Variants in PELI2 observed in about 807,000 individuals in gnomAD.
PELI2 encodes pellino E3 ubiquitin protein ligase family member 2.
Under a neutral mutation model 42.3 loss-of-function variants are expected in PELI2, and 23 were observed. That is an observed-to-expected ratio of 0.54 (90% CI 0.39 to 0.77). The LOEUF is 0.77. Among genes scored for constraint, PELI2 ranks in the 30% least tolerant of loss-of-function variants. The pLI, the probability that PELI2 is intolerant of heterozygous loss-of-function variation, is 0.00. For synonymous variants in PELI2, 245 were observed against 212.2 expected (o/e 1.15, Z -1.34); for missense variants, 463 against 553.2 (o/e 0.84, Z 1.64).
chr14:56,204,400 C>T (rs141155292), intron 2 of PELI2, among the ~76,000 whole-genome samples: 3 of 151,992 alleles, frequency 2.0e-5, no homozygotes, highest in Admixed American at 6.6e-5. Flanking sequence ...CTAAGAGAGC[C>T]GGAAAAGGCT....
At chr14:56,169,865 A>G (rs1227269454) in intron 1 of PELI2, among the ~76,000 whole-genome samples, 1 of 152,208 alleles carries the variant, frequency 6.6e-6, no homozygotes, top group East Asian at 1.9e-4. Flanking sequence ...GGGGAAGTCC[A>G]TGCATATATG....
chr14:56,209,155 T>G (rs1447325230), intron 2 of PELI2, among the ~76,000 whole-genome samples: 1 of 152,204 alleles, frequency 6.6e-6, no homozygotes, highest in Non-Finnish European at 1.5e-5. Flanking sequence ...TAGTACATAG[T>G]TAAAAGATTA....
chr14:56,185,037 ATTT>A (rs1051780563), intron 2 of PELI2, among the ~76,000 whole-genome samples: 14 of 151,460 alleles, frequency 9.2e-5, no homozygotes, highest in African/African-American at 3.4e-4. Flanking sequence ...ATATTTTACA[ATTT>A]TTTATTTATA....
chr14:56,201,233 A>G (rs1886320388), intron 2 of PELI2, among the ~76,000 whole-genome samples: 1 of 152,186 alleles, frequency 6.6e-6, no homozygotes, highest in African/African-American at 2.4e-5. Flanking sequence ...CGAAAGGATG[A>G]TCCTGGATTT....
At position 56,219,045 on chromosome 14, in the gene PELI2, G is replaced by GT. The variant is rs1003617342; in HGVS notation, c.207+40588dup. Among the ~76,000 whole-genome samples, 26 of 152,102 alleles carry GT rather than the reference G, an allele frequency of 1.7e-4. No homozygotes were observed. Among genetic ancestry groups the GT allele is most frequent in the Non-Finnish European group, 3.4e-4 (23 of 67,988 alleles). ...TTGAGCATGACCAGATCCATTTCCTGTTTTTTTCACATTTCTTTTTCTAAG... is the reference window on the plus strand; with the variant it reads ...TTGAGCATGACCAGATCCATTTCCTGTTTTTTTTCACATTTCTTTTTCTAAG... On this transcript the variant is annotated intron_variant, in intron 2 of 5. Coordinates refer to ENST00000267460, the MANE Select transcript of PELI2 (RefSeq NM_021255.3). The surrounding 1 kb of genome is among the most constrained non-coding windows in gnomAD (Gnocchi z 4.1).
rs948113885 is a variant in PELI2 at position 56,299,602 on chromosome 14, T to C, written c.*2436T>C. 2.0e-5 allele frequency: 3 copies of C among 152,162 alleles called. No individual in the cohort carries two copies. Among genetic ancestry groups the C allele is most frequent in the African/African-American group, 7.2e-5 (3 of 41,434 alleles). 9.4% of individuals were successfully genotyped at this position (152,162 alleles called of 1,614,324 possible). On this transcript the variant is annotated 3_prime_UTR_variant, in exon 6 of 6. Coordinates refer to ENST00000267460, the MANE Select transcript of PELI2 (RefSeq NM_021255.3). ...AGGAAGATCCCTTTACAATTTTGAC[T>C]AAGGAGATTTTTTTTTTCACAGTTG...
At chr14:56,198,010 A>ACACACACCCCCC (rs772024884) in intron 2 of PELI2, among the ~76,000 whole-genome samples, 1 of 114,618 alleles carries the variant, frequency 8.7e-6, no homozygotes, top group Admixed American at 8.7e-5. Flanking sequence ...ACACACACAC[A>ACACACACCCCCC]CACCCACCTC....
chr14:56,181,006 C>T (rs867375334), intron 2 of PELI2, among the ~76,000 whole-genome samples: 2 of 152,144 alleles, frequency 1.3e-5, no homozygotes, highest in South Asian at 2.1e-4. Flanking sequence ...TACCTACCCC[C>T]GAGTCTCTTT....
chr14:56,207,556 T>C (rs11627862), intron 2 of PELI2, among the ~76,000 whole-genome samples: 61,207 of 151,958 alleles, frequency 0.4, 13,028 homozygotes, highest in South Asian at 0.53. Context: ...CTTTAGCAAA[T>C]TGTATTTACA....
chr14:56,185,080 TTAAA>T (rs1313823080), intron 2 of PELI2, among the ~76,000 whole-genome samples: 1 of 152,112 alleles, frequency 6.6e-6, no homozygotes, highest in African/African-American at 2.4e-5. Context: ...AGGCTGGTTG[TTAAA>T]TAATATCACT....
chr14:56,215,129 T>C (rs11847211), intron 2 of PELI2, among the ~76,000 whole-genome samples: 61,271 of 152,110 alleles, frequency 0.4, 13,072 homozygotes, highest in South Asian at 0.53. Flanking sequence ...TATGTGACAG[T>C]CTCACTTCTA....
chr14:56,263,747 ATTG>A (rs1179804078), intron 2 of PELI2, among the ~76,000 whole-genome samples: 4 of 152,170 alleles, frequency 2.6e-5, no homozygotes, highest in Admixed American at 6.5e-5. Context: ...AAATAGTCTT[ATTG>A]TTCTTATTAG....
chr14:56,243,829 G>A, intron 2 of PELI2, among the ~76,000 whole-genome samples: 1 of 152,092 alleles, frequency 6.6e-6, no homozygotes, highest in East Asian at 1.9e-4. Context: ...AACATCCAGG[G>A]ACCAGTTAAT....
At chr14:56,248,300 G>A (rs547921128) in intron 2 of PELI2, among the ~76,000 whole-genome samples, 96 of 152,136 alleles carry the variant, frequency 6.3e-4, no homozygotes, top group African/African-American at 2.0e-3. Context: ...TAAGTTTCGC[G>A]CACATTTTAA....
Position 56,247,993 on chromosome 14 carries a change from A to C in PELI2, c.208-31683A>C, listed in dbSNP as rs536251576. Among the ~76,000 whole-genome samples the C allele has an allele frequency of 2.6e-5, 4 of 152,326 alleles. No individual in the cohort carries two copies. In the South Asian group the frequency reaches 8.3e-4, roughly 32 times the overall value. On this transcript the variant is annotated intron_variant, in intron 2 of 5. Coordinates refer to ENST00000267460, the MANE Select transcript of PELI2 (RefSeq NM_021255.3). ...TAAAAATGCCCACTGTTTTATTGCC[A>C]AGAGAAGGAAAAGTGTCAGTGCTAT... is the stretch of plus-strand genomic sequence containing the variant.
At chr14:56,235,442 A>G (rs898959749) in intron 2 of PELI2, among the ~76,000 whole-genome samples, 12 of 152,218 alleles carry the variant, frequency 7.9e-5, no homozygotes. Context: ...ACTCCAGTTG[A>G]CATCTTGAGC....
At chr14:56,129,939 G>T (rs1281056639) in intron 1 of PELI2, among the ~76,000 whole-genome samples, 1 of 152,158 alleles carries the variant, frequency 6.6e-6, no homozygotes, top group Non-Finnish European at 1.5e-5. Context: ...GCTTGGCCTG[G>T]TCGTGTTCCC....
intron 2 of PELI2, among the ~76,000 whole-genome samples, chr14:56,242,646 T>A (rs191655003): frequency 6.6e-6 from 1 of 152,142 alleles, no homozygotes; most frequent in African/African-American, 2.4e-5. Context: ...GTGGTATATA[T>A]ACACACCATG....
At chr14:56,143,622 G>GTT (rs200252111) in intron 1 of PELI2, among the ~76,000 whole-genome samples, 1 of 152,154 alleles carries the variant, frequency 6.6e-6, no homozygotes, top group African/African-American at 2.4e-5. Context: ...TATTTATTCA[G>GTT]TTTTTTATAT....
Sources: gnomAD v4.1 joint callset for allele counts (sites outside exome capture counted in the v4.1 genomes callset) on GRCh38, gnomAD v4.1.1 for gene constraint, Gnocchi (gnomAD v3.1) non-coding constraint, MANE v1.5 for transcripts, NCBI Gene and HGNC (gene_info 2026-07-23, HGNC 2026-07-21) for gene names.